The following TMEM132C variants were observed in gnomAD, a reference collection of about 807,000 sequenced individuals.
TMEM132C encodes transmembrane protein 132C.
In TMEM132C, 29 loss-of-function variants were observed where a neutral mutation model predicts 61.4. The observed-to-expected ratio is 0.47, with a 90% confidence interval of 0.35 to 0.64. The LOEUF (loss-of-function observed/expected upper bound fraction) is 0.64, where lower values mean the gene tolerates loss of function less well. Among genes scored for constraint, TMEM132C ranks in the 30% least tolerant of loss-of-function variants. The probability of loss-of-function intolerance (pLI) is 0.00; values close to 1 mark genes in which losing one functional copy is unlikely to be tolerated. For missense variants in TMEM132C, 1,408 were observed against 1,476.9 expected (o/e 0.95, Z 0.76); for synonymous variants, 656 against 633.1 (o/e 1.04, Z -0.54).
chr12:128,610,224 C>A (rs918574968), intron 3 of TMEM132C, among the ~76,000 whole-genome samples: 7 of 152,208 alleles, frequency 4.6e-5, no homozygotes. Context: ...TCTCCTGAAG[C>A]GGCTTCCCTA....
chr12:128,491,734 G>A (rs566297302), intron 2 of TMEM132C, among the ~76,000 whole-genome samples: 1 of 152,180 alleles, frequency 6.6e-6, no homozygotes, highest in South Asian at 2.1e-4. Context: ...TCTCAAGGAC[G>A]AGGTTGTACC....
intron 3 of TMEM132C, among the ~76,000 whole-genome samples, chr12:128,595,987 A>T (rs1593113490): frequency 6.6e-6 from 1 of 152,224 alleles, no homozygotes; most frequent in African/African-American, 2.4e-5. Flanking sequence ...TGCAGTGAGA[A>T]CATCCACTCT....
At chr12:128,511,665 C>G (rs1872570977) in intron 2 of TMEM132C, among the ~76,000 whole-genome samples, 1 of 152,222 alleles carries the variant, frequency 6.6e-6, no homozygotes, top group South Asian at 2.1e-4. Context: ...ACCTTGGGGT[C>G]CTGTCTCTCC....
chr12:128,353,365 G>A (rs370345445), intron 1 of TMEM132C, among the ~76,000 whole-genome samples: 1 of 152,144 alleles, frequency 6.6e-6, no homozygotes, highest in African/African-American at 2.4e-5. Flanking sequence ...GATGGCGCGG[G>A]ACTTTCACAG....
intron 4 of TMEM132C, among the ~76,000 whole-genome samples, chr12:128,634,626 G>A (rs1236630501): frequency 6.6e-6 from 1 of 152,244 alleles, no homozygotes; most frequent in Admixed American, 6.5e-5. Context: ...CCTGAGATGT[G>A]GAGCCCTTGT....
intron 4 of TMEM132C, among the ~76,000 whole-genome samples, chr12:128,664,262 A>G (rs1052072338): frequency 9.5e-6 from 1 of 105,820 alleles, no homozygotes; most frequent in Non-Finnish European, 1.9e-5. Flanking sequence ...CCATGTTCTT[A>G]TTTATTTAAA....
At chr12:128,660,708 G>A (rs1018239006) in intron 4 of TMEM132C, among the ~76,000 whole-genome samples, 5 of 152,180 alleles carry the variant, frequency 3.3e-5, no homozygotes, top group South Asian at 2.1e-4. Flanking sequence ...CCTTGGCATC[G>A]TGGACTGGCC....
At chr12:128,466,644 T>C (rs1469096091) in intron 2 of TMEM132C, among the ~76,000 whole-genome samples, 1 of 152,114 alleles carries the variant, frequency 6.6e-6, no homozygotes, top group Non-Finnish European at 1.5e-5. Flanking sequence ...CCATACTCCA[T>C]CCTCTGCCTC....
intron 2 of TMEM132C, among the ~76,000 whole-genome samples, chr12:128,455,903 C>T (rs1247053350): frequency 6.6e-6 from 1 of 152,166 alleles, no homozygotes; most frequent in Non-Finnish European, 1.5e-5. Context: ...AGCATGGATT[C>T]AGAAAACATC....
At chr12:128,695,215 T>G (rs1954750096) in intron 6 of TMEM132C, among the ~76,000 whole-genome samples, 1 of 152,190 alleles carries the variant, frequency 6.6e-6, no homozygotes, top group Non-Finnish European at 1.5e-5. Context: ...TATCTAATTT[T>G]TATTTATTTA....
intron 1 of TMEM132C, among the ~76,000 whole-genome samples, chr12:128,378,431 T>TA (rs397751259): frequency 0.04 from 6,022 of 151,602 alleles, 202 homozygotes; most frequent in African/African-American, 0.088. Flanking sequence ...CAGATTTTTT[T>TA]AAAAAAATTA....
chr12:128,400,909 GC>G (rs2136009769), intron 1 of TMEM132C, among the ~76,000 whole-genome samples: 1 of 152,062 alleles, frequency 6.6e-6, no homozygotes, highest in Non-Finnish European at 1.5e-5. Context: ...GCACCTGCCT[GC>G]CCCCCAGCCC....
chr12:128,271,225 G>T (rs1870502690), intron 1 of TMEM132C, among the ~76,000 whole-genome samples: 1 of 151,174 alleles, frequency 6.6e-6, no homozygotes, highest in African/African-American at 2.4e-5. Context: ...CTGCACTCCA[G>T]CCTGGGTGAC....
rs373481147 is a variant in TMEM132C, at chr12:128,672,660, T to G, written c.1449+3100T>G. Among the ~76,000 whole-genome samples, 28 of 152,282 alleles carry G rather than the reference T, an allele frequency of 1.8e-4. No homozygotes were observed. The East Asian group carries it at 4.2e-3, about 23-fold the overall frequency. On this transcript the variant is annotated intron_variant, in intron 5 of 8. Coordinates refer to ENST00000435159, the MANE Select transcript of TMEM132C (RefSeq NM_001136103.3). ...AGGACATCAGAGCAGGCAGGCTCAG[T>G]GTACATGAGCACAGTCCATAGGACC...
rs1954056932 is a variant in TMEM132C, at chr12:128,630,488, G to A, written c.1305+14153G>A. 6.6e-6 allele frequency among the ~76,000 whole-genome samples: 1 copy of A among 152,070 alleles called. No individual in the cohort carries two copies. The highest frequency in any genetic ancestry group is 2.1e-4 in the South Asian group (1 of 4,830). On this transcript the variant is annotated intron_variant, in intron 4 of 8. Transcript: ENST00000435159. This position sits in a 1 kb window ranked among gnomAD's most constrained non-coding sequence, Gnocchi z 4.3. Reference sequence around the variant, plus strand: ...TACTCAAATATCCCCTCCTCACTAGGCCCCCTGACTAACCTGCCTAAAAGA... The same window carrying A: ...TACTCAAATATCCCCTCCTCACTAGACCCCCTGACTAACCTGCCTAAAAGA...
intron 1 of TMEM132C, among the ~76,000 whole-genome samples, chr12:128,392,474 A>C (rs1874799378): frequency 6.6e-6 from 1 of 152,056 alleles, no homozygotes; most frequent in African/African-American, 2.4e-5. Context: ...CCAGTTTCTC[A>C]AATAAGATTT....
intron 2 of TMEM132C, among the ~76,000 whole-genome samples, chr12:128,442,160 C>G (rs1040699453): frequency 6.6e-6 from 1 of 152,194 alleles, no homozygotes. Flanking sequence ...GATCCTGAAA[C>G]CTCAGTCCCC....
intron 2 of TMEM132C, among the ~76,000 whole-genome samples, chr12:128,536,815 A>G (rs1358456368): frequency 6.6e-6 from 1 of 152,138 alleles, no homozygotes; most frequent in African/African-American, 2.4e-5. Context: ...ATGACCTTGC[A>G]TATGTCAACT....
chr12:128,374,229 C>T (rs555369689), intron 1 of TMEM132C, among the ~76,000 whole-genome samples: 94 of 152,174 alleles, frequency 6.2e-4, no homozygotes, highest in African/African-American at 2.2e-3. Flanking sequence ...CGAAAAACAA[C>T]GGGACTGAAA....
Sources: allele counts gnomAD v4.1 joint callset (sites outside exome capture counted in the v4.1 genomes callset), GRCh38; gene constraint gnomAD v4.1.1; non-coding constraint Gnocchi (gnomAD v3.1); transcripts MANE v1.5; gene names NCBI Gene and HGNC (gene_info 2026-07-23, HGNC 2026-07-21).